Variants in LRRTM4 observed in about 807,000 individuals in gnomAD.
LRRTM4 encodes the protein leucine-rich repeat transmembrane neuronal protein 4.
A neutral mutation model predicts 47.6 loss-of-function variants in LRRTM4; 25 were observed. The ratio of observed to expected loss-of-function variants is 0.53; its 90% CI spans 0.38 to 0.73. The LOEUF (loss-of-function observed/expected upper bound fraction) is 0.73. LRRTM4 is among the 30% of genes least tolerant of loss of function. LRRTM4 has a pLI of 0.00. For synonymous variants in LRRTM4, 311 were observed against 269.5 expected, an observed-to-expected ratio of 1.15 and a Z score of -1.51; for missense variants, 638 against 713.4, an observed-to-expected ratio of 0.89 and a Z score of 1.20.
chr2:76,889,118 T>G (rs537754071), intron 3 of LRRTM4, among the ~76,000 whole-genome samples: 2 of 152,076 alleles, frequency 1.3e-5, no homozygotes, highest in East Asian at 3.9e-4. Flanking sequence ...CATTTATTTT[T>G]GTATTTTTTC....
intron 3 of LRRTM4, among the ~76,000 whole-genome samples, chr2:77,127,554 T>G (rs555610399): frequency 6.6e-6 from 1 of 152,248 alleles, no homozygotes; most frequent in South Asian, 2.1e-4. Flanking sequence ...ATGGCACATT[T>G]GAGATTAGAA....
intron 3 of LRRTM4, among the ~76,000 whole-genome samples, chr2:76,878,017 C>T (rs924376903): frequency 1.3e-5 from 2 of 152,122 alleles, no homozygotes; most frequent in African/African-American, 4.8e-5. Flanking sequence ...GGTAACTCTG[C>T]ATTTAGAAAC....
At chr2:77,051,211 C>T (rs1473457507) in intron 3 of LRRTM4, among the ~76,000 whole-genome samples, 1 of 151,826 alleles carries the variant, frequency 6.6e-6, no homozygotes, top group African/African-American at 2.4e-5. Context: ...CAGAAAACAG[C>T]TTCACACAAC....
rs528073697 is a variant in LRRTM4, at chr2:77,287,713, C to A, written c.1551+230605G>T. ...TAACTTAGTAGTTGAGAGAGAGAAA[C>A]CACATTTACATAACTTTTATTACAG... On this transcript the variant is annotated intron_variant, in intron 3 of 3. Coordinates refer to ENST00000409884, the MANE Select transcript of LRRTM4 (RefSeq NM_001134745.3). Among the ~76,000 whole-genome samples the A allele has an allele frequency of 4.7e-4, 71 of 152,156 alleles. 1 individual carries two copies. The highest frequency in any genetic ancestry group is 1.7e-3 in the African/African-American group (70 of 41,522).
chr2:77,108,365 C>A (rs1293168174), intron 3 of LRRTM4, among the ~76,000 whole-genome samples: 1 of 151,866 alleles, frequency 6.6e-6, no homozygotes, highest in African/African-American at 2.4e-5. Context: ...TTATAAAGAA[C>A]ATTGTATAAG....
chr2:76,956,727 C>G (rs1392080533), intron 3 of LRRTM4, among the ~76,000 whole-genome samples: 3 of 149,684 alleles, frequency 2.0e-5, no homozygotes, highest in African/African-American at 7.3e-5. Context: ...AGAGAAGATT[C>G]AAAATAAATA....
chr2:76,769,520 C>T (rs1270237639), intron 3 of LRRTM4, among the ~76,000 whole-genome samples: 1 of 146,804 alleles, frequency 6.8e-6, no homozygotes, highest in Non-Finnish European at 1.5e-5. Flanking sequence ...AGCTCACTTG[C>T]AACTGAAAAA....
At chr2:77,501,528 G>A (rs1678570774) in intron 3 of LRRTM4, among the ~76,000 whole-genome samples, 1 of 150,698 alleles carries the variant, frequency 6.6e-6, no homozygotes, top group Non-Finnish European at 1.5e-5. Context: ...TAAAAAGCAT[G>A]AGACTATTAG....
At chr2:76,977,871 T>A (rs72823138) in intron 3 of LRRTM4, among the ~76,000 whole-genome samples, 2,935 of 152,146 alleles carry the variant, frequency 0.019, 75 homozygotes, top group East Asian at 0.083. Context: ...CTTCTTTTCC[T>A]TCCAAATGTG....
chr2:77,489,353 CT>C (rs1678049998), intron 3 of LRRTM4, among the ~76,000 whole-genome samples: 1 of 152,154 alleles, frequency 6.6e-6, no homozygotes, highest in Non-Finnish European at 1.5e-5. Flanking sequence ...TAGCAGTCTG[CT>C]TTTACTGTGA....
rs75623114 is a variant in LRRTM4, at chr2:77,289,130, G to T, written c.1551+229188C>A. Among the ~76,000 whole-genome samples the T allele has an allele frequency of 4.4e-3, 662 of 152,046 alleles. 6 individuals carry two copies. The highest frequency in any genetic ancestry group is 0.015 in the African/African-American group (633 of 41,514). ...AAAAAGATACCATATGCATGAATTG[G>T]ACCTTGACCAATATCATCAATATGT... On this transcript the variant is annotated intron_variant, in intron 3 of 3. Coordinates refer to ENST00000409884, the MANE Select transcript of LRRTM4 (RefSeq NM_001134745.3).
chr2:77,467,440 G>A (rs1001212132), intron 3 of LRRTM4, among the ~76,000 whole-genome samples: 3 of 152,246 alleles, frequency 2.0e-5, no homozygotes, highest in Non-Finnish European at 4.4e-5. Context: ...AAGACATCTA[G>A]TCACTTTTTT....
intron 3 of LRRTM4, among the ~76,000 whole-genome samples, chr2:76,941,535 A>C (rs1675142394): frequency 6.6e-6 from 1 of 151,240 alleles, no homozygotes; most frequent in Non-Finnish European, 1.5e-5. Flanking sequence ...TCACTGTTCA[A>C]CTCCCACTTA....
intron 3 of LRRTM4, among the ~76,000 whole-genome samples, chr2:76,783,811 C>A (rs185611004): frequency 2.2e-4 from 34 of 152,248 alleles, no homozygotes; most frequent in South Asian, 8.3e-4. Flanking sequence ...AAAAGAAATT[C>A]AGCAGTGCCG....
intron 3 of LRRTM4, among the ~76,000 whole-genome samples, chr2:77,134,651 T>C (rs1671884910): frequency 6.6e-6 from 1 of 152,206 alleles, no homozygotes; most frequent in African/African-American, 2.4e-5. Context: ...TTTACTATTT[T>C]AGTTCTTACT....
chr2:76,778,763 A>G (rs539396393), intron 3 of LRRTM4, among the ~76,000 whole-genome samples: 1 of 149,650 alleles, frequency 6.7e-6, no homozygotes, highest in South Asian at 2.1e-4. Flanking sequence ...TATTTCCTTC[A>G]GTTCTGCTCT....
At position 77,146,103 on chromosome 2, in the gene LRRTM4, A is replaced by G. The variant is rs186463462; in HGVS notation, c.1551+372215T>C. On this transcript the variant is annotated intron_variant, in intron 3 of 3. Transcript: ENST00000409884. ...TATATTTTACCTCTTCTTTCAGTGT[A>G]TATTTATTCTTTTGTTTCTCTTAAA... Among the ~76,000 whole-genome samples, 1,083 of 152,212 alleles carry G rather than the reference A, an allele frequency of 7.1e-3. 12 individuals carry two copies. The highest frequency in any genetic ancestry group is 0.015 in the South Asian group (74 of 4,824).
intron 3 of LRRTM4, among the ~76,000 whole-genome samples, chr2:77,172,424 G>C (rs972272870): frequency 1.3e-5 from 2 of 151,840 alleles, no homozygotes; most frequent in African/African-American, 4.8e-5. Flanking sequence ...GTGAAACCCC[G>C]TCTCTAGTAA....
At chr2:76,916,854 C>G (rs1018054876) in intron 3 of LRRTM4, among the ~76,000 whole-genome samples, 4 of 152,188 alleles carry the variant, frequency 2.6e-5, no homozygotes, top group Non-Finnish European at 4.4e-5. Flanking sequence ...CTAGTTATTT[C>G]CAGCTAATTT....
Sources: gnomAD v4.1 joint callset for allele counts (sites outside exome capture counted in the v4.1 genomes callset) on GRCh38, gnomAD v4.1.1 for gene constraint, MANE v1.5 for transcripts, NCBI Gene and HGNC (gene_info 2026-07-23, HGNC 2026-07-21) for gene names.